CMTM4: variants seen among roughly 807,000 people sequenced by gnomAD.
CMTM4 encodes the protein CKLF like MARVEL transmembrane domain containing 4.
A neutral mutation model predicts 19.0 loss-of-function variants in CMTM4; 8 were observed. That is an observed-to-expected ratio of 0.42 (90% confidence interval 0.25 to 0.76). CMTM4 has a LOEUF of 0.76. Among genes scored for constraint, CMTM4 ranks in the 30% least tolerant of loss-of-function variants. CMTM4 has a pLI of 0.27. For missense variants in CMTM4, 228 were observed against 290.2 expected, an observed-to-expected ratio of 0.79 and a Z score of 1.56; for synonymous variants, 106 against 121.1, an observed-to-expected ratio of 0.88 and a Z score of 0.82.
intron 1 of CMTM4, among the ~76,000 whole-genome samples, chr16:66,641,498 GTTT>G (rs1379193630): frequency 6.6e-6 from 1 of 152,124 alleles, no homozygotes; most frequent in South Asian, 2.1e-4. Context: ...GGCACTTCTT[GTTT>G]TTTATCATTT....
chr16:66,609,906 C>A (rs758402246), downstream of CMTM4: 18 of 1,614,154 alleles, frequency 1.1e-5, no homozygotes, highest in East Asian at 2.2e-5. The surrounding 1 kb of genome is among the most constrained non-coding windows in gnomAD (Gnocchi z 4.4). Flanking sequence ...TTGCTACCAT[C>A]GTGTTTGCAA....
intron 1 of CMTM4, among the ~76,000 whole-genome samples, chr16:66,655,551 TTA>T (rs1259228860): frequency 1.3e-4 from 19 of 150,060 alleles, no homozygotes; most frequent in Middle Eastern, 3.4e-3. Context: ...GTGTGTTTAT[TTA>T]TGTGTGTGTG....
chr16:66,650,827 T>C (rs147535284), intron 1 of CMTM4, among the ~76,000 whole-genome samples: 2 of 152,244 alleles, frequency 1.3e-5, no homozygotes, highest in African/African-American at 4.8e-5. Context: ...AGTAAAAACA[T>C]GGAAGCTCAT....
intron 1 of CMTM4, among the ~76,000 whole-genome samples, chr16:66,680,402 C>A (rs1349304289): frequency 6.6e-6 from 1 of 151,304 alleles, no homozygotes; most frequent in Non-Finnish European, 1.5e-5. Flanking sequence ...TTGCTTGAAC[C>A]CAGGAGGCAG....
the CMTM4 span, among the ~76,000 whole-genome samples, chr16:66,606,147 CG>C: frequency 6.6e-6 from 1 of 151,946 alleles, no homozygotes; most frequent in Non-Finnish European, 1.5e-5. Context: ...GAAGGGTGAA[CG>C]GTCAGCACTC....
the CMTM4 span, chr16:66,609,405 G>A: frequency 1.4e-4 from 224 of 1,594,442 alleles, 3 homozygotes; most frequent in South Asian, 2.4e-3. The surrounding 1 kb of genome is among the most constrained non-coding windows in gnomAD (Gnocchi z 4.4). Context: ...AGCTCCAGGG[G>A]CTCAGGGCAG....
downstream of CMTM4, among the ~76,000 whole-genome samples, chr16:66,611,583 G>A (rs951859066): frequency 7.2e-5 from 11 of 152,140 alleles, no homozygotes; most frequent in African/African-American, 2.7e-4. Context: ...ATGAGCCAGC[G>A]ACAGCTCATG....
chr16:66,670,279 T>C (rs2016678832), intron 1 of CMTM4, among the ~76,000 whole-genome samples: 1 of 148,868 alleles, frequency 6.7e-6, no homozygotes, highest in Non-Finnish European at 1.5e-5. Flanking sequence ...AAACCCCGTC[T>C]CTACCAAAAA....
intron 1 of CMTM4, among the ~76,000 whole-genome samples, chr16:66,666,498 T>C (rs894029295): frequency 6.6e-6 from 1 of 151,822 alleles, no homozygotes; most frequent in African/African-American, 2.4e-5. Context: ...AGCCACAGAG[T>C]TAAAATATTT....
At chr16:66,601,135 TTA>T in the CMTM4 span, among the ~76,000 whole-genome samples, 9 of 147,416 alleles carry the variant, frequency 6.1e-5, no homozygotes, top group Admixed American at 6.1e-4. Flanking sequence ...GTGTGTGTGT[TTA>T]TCTTTGTGGG....
At chr16:66,643,486 C>T (rs568224491) in intron 1 of CMTM4, among the ~76,000 whole-genome samples, 3 of 152,094 alleles carry the variant, frequency 2.0e-5, no homozygotes, top group Admixed American at 6.6e-5. Flanking sequence ...TTGAAACATA[C>T]GGAGCCAGAA....
rs536042044 is a variant in CMTM4, at chr16:66,668,181, T to A, written c.186+28159A>T. On this transcript the variant is annotated intron_variant, in intron 1 of 3. Transcript: ENST00000394106. Reference sequence around the variant, plus strand: ...AACAGAGCTATTTTTTTTTTTTTTTTAATTTTGTGTAAAGACAGAGTTTCG... The same window carrying A: ...AACAGAGCTATTTTTTTTTTTTTTTAAATTTTGTGTAAAGACAGAGTTTCG... Among the ~76,000 whole-genome samples the A allele has an allele frequency of 3.9e-3, 575 of 147,610 alleles. 1 individual carries two copies. Among genetic ancestry groups the A allele is most frequent in the African/African-American group, 0.011 (452 of 39,848 alleles).
chr16:66,642,108 T>C (rs796686473), intron 1 of CMTM4, among the ~76,000 whole-genome samples: 16 of 152,302 alleles, frequency 1.1e-4, no homozygotes, highest in African/African-American at 3.1e-4. Flanking sequence ...CAGCAAAATG[T>C]CAACATTTTC....
intron 1 of CMTM4, among the ~76,000 whole-genome samples, chr16:66,645,714 C>T (rs1205003515): frequency 2.6e-5 from 4 of 152,080 alleles, no homozygotes; most frequent in African/African-American, 9.7e-5. Context: ...TGTGGTGGCT[C>T]ACGCCTGTAA....
chr16:66,627,168 T>A (rs562528909), intron 2 of CMTM4, among the ~76,000 whole-genome samples: 14 of 152,174 alleles, frequency 9.2e-5, no homozygotes, highest in Non-Finnish European at 1.6e-4. Context: ...AACAAAGTGC[T>A]CAATAGGGGA....
At chr16:66,602,466 C>T in the CMTM4 span, among the ~76,000 whole-genome samples, 1 of 152,174 alleles carries the variant, frequency 6.6e-6, no homozygotes, top group African/African-American at 2.4e-5. Flanking sequence ...TTTTTATTCA[C>T]CCTATACCCA....
At position 66,615,415 on chromosome 16, in the gene CMTM4, C is replaced by T. The variant is rs1385951232; in HGVS notation, c.*6643G>A. 3 of 152,234 alleles carry T rather than the reference C, an allele frequency of 2.0e-5. No individual in the cohort carries two copies. The highest frequency in any genetic ancestry group is 2.0e-4 in the Admixed American group (3 of 15,284). The allele number at this position is 152,234 out of a possible 1,614,324, so 9.4% of individuals were successfully genotyped here. A position where few individuals can be genotyped will look rare whatever the true frequency, so the allele number is the denominator to read the frequency against. On this transcript the variant is annotated 3_prime_UTR_variant, in exon 4 of 4. Coordinates refer to ENST00000394106, the MANE Select transcript of CMTM4 (RefSeq NM_181521.3). The surrounding 1 kb of genome is among the most constrained non-coding windows in gnomAD (Gnocchi z 4.9). ...AAGGGTTTTGGGACCAGACATAACT[C>T]ACGTCCTGCAGGAAGGAGAAGCAAA...
In CMTM4 at chr16:66,616,367, T is replaced by C. The variant is rs775877711; in HGVS notation, c.*5691A>G. The C allele has an allele frequency of 3.9e-5, 6 of 152,182 alleles. No individual in the cohort carries two copies. Among genetic ancestry groups the C allele is most frequent in the Non-Finnish European group, 5.9e-5 (4 of 68,026 alleles). 9.4% of individuals were successfully genotyped at this position (152,182 alleles called of 1,614,324 possible). The stretch of plus-strand genomic sequence containing the variant: ...CTGAACCCCTACAAATTTCAACATA[T>C]ACAAATAGTTTCAATTCCTACCATT... On this transcript the variant is annotated 3_prime_UTR_variant, in exon 4 of 4. Transcript: ENST00000394106.
intron 2 of CMTM4, among the ~76,000 whole-genome samples, chr16:66,631,437 C>T (rs918019964): frequency 3.3e-5 from 5 of 152,294 alleles, no homozygotes; most frequent in Admixed American, 6.5e-5. Flanking sequence ...GTGTACCCAA[C>T]AGCTCATTGA....
Sources: gnomAD v4.1 joint callset for allele counts (sites outside exome capture counted in the v4.1 genomes callset) on GRCh38, gnomAD v4.1.1 for gene constraint, Gnocchi (gnomAD v3.1) non-coding constraint, MANE v1.5 for transcripts, NCBI Gene and HGNC (gene_info 2026-07-23, HGNC 2026-07-21) for gene names.